Variants in STK32B observed in about 807,000 individuals in gnomAD.
The protein encoded by STK32B is serine/threonine kinase 32B.
STK32B carries 43 observed loss-of-function variants against 52.6 expected under a neutral mutation model. The observed-to-expected ratio is 0.82, with a 90% CI of 0.64 to 1.05. The LOEUF is 1.05. Among genes scored for constraint, STK32B ranks in the 50% least tolerant of loss-of-function variants. The probability of loss-of-function intolerance (pLI) is 0.00; values close to 1 mark genes in which losing one functional copy is unlikely to be tolerated. For missense variants in STK32B, 621 were observed against 534.6 expected, an observed-to-expected ratio of 1.16 and a Z score of -1.59; for synonymous variants, 238 against 204.3, an observed-to-expected ratio of 1.17 and a Z score of -1.41.
In STK32B at chr4:5,078,101, G is replaced by C. The variant is rs549013438; in HGVS notation, c.52+26186G>C. Among the ~76,000 whole-genome samples the C allele has an allele frequency of 9.9e-5, 15 of 152,256 alleles. No individual in the cohort carries two copies. The South Asian group carries it at 3.1e-3, about 32-fold the overall frequency. On this transcript the variant is annotated intron_variant, in intron 1 of 11. Coordinates refer to ENST00000282908, the MANE Select transcript of STK32B (RefSeq NM_018401.3). ...TCCCCATACGATAGTGTCCAGAGCA[G>C]GAAGAGCGTAAAGGAGGAAAGGGGC...
intron 3 of STK32B, among the ~76,000 whole-genome samples, chr4:5,307,452 G>A (rs1225619875): frequency 6.6e-6 from 1 of 150,826 alleles, no homozygotes; most frequent in Non-Finnish European, 1.5e-5. Flanking sequence ...AGTGCATTTT[G>A]CATTTCTCTA....
In STK32B at chr4:5,058,298, G is replaced by C. The variant is rs762252035; in HGVS notation, c.52+6383G>C. 8.5e-5 allele frequency among the ~76,000 whole-genome samples: 13 copies of C among 152,208 alleles called. No homozygotes were observed. The highest frequency in any genetic ancestry group is 1.8e-4 in the Non-Finnish European group (12 of 68,048). On this transcript the variant is annotated intron_variant, in intron 1 of 11. Coordinates refer to ENST00000282908, the MANE Select transcript of STK32B (RefSeq NM_018401.3). This position sits in a 1 kb window ranked among gnomAD's most constrained non-coding sequence, Gnocchi z 4.8. ...CAAAATTATACCTCCTTGTCCCCTT[G>C]AAGTTATGTGAGACCATGTGACTTG... is the stretch of plus-strand genomic sequence containing the variant.
At chr4:5,128,444 G>A (rs1246544824) in intron 1 of STK32B, among the ~76,000 whole-genome samples, 2 of 152,284 alleles carry the variant, frequency 1.3e-5, no homozygotes, top group East Asian at 3.9e-4. Context: ...CTGTCCTGAG[G>A]TTTTTGCTGT....
chr4:5,329,357 T>A (rs1348864886), intron 3 of STK32B, among the ~76,000 whole-genome samples: 1 of 152,178 alleles, frequency 6.6e-6, no homozygotes, highest in East Asian at 1.9e-4. Context: ...GGCCCTCCGC[T>A]GTTTGTGCAG....
intron 3 of STK32B, among the ~76,000 whole-genome samples, chr4:5,322,367 G>A (rs747308037): frequency 9.9e-5 from 15 of 152,204 alleles, no homozygotes; most frequent in South Asian, 8.3e-4. Flanking sequence ...AATCGCTAGA[G>A]GTGAGCATAG....
At chr4:5,292,330 G>A (rs1343383673) in intron 3 of STK32B, among the ~76,000 whole-genome samples, 1 of 152,048 alleles carries the variant, frequency 6.6e-6, no homozygotes, top group Non-Finnish European at 1.5e-5. Context: ...TTTTATAATA[G>A]CCATTCTGAC....
At chr4:5,292,682 T>C (rs757852109) in intron 3 of STK32B, among the ~76,000 whole-genome samples, 11 of 152,264 alleles carry the variant, frequency 7.2e-5, no homozygotes, top group Non-Finnish European at 1.2e-4. Flanking sequence ...TTTTTGTTTT[T>C]GTTCTCTTTG....
At chr4:5,062,699 G>A (rs1458985251) in intron 1 of STK32B, among the ~76,000 whole-genome samples, 1 of 151,984 alleles carries the variant, frequency 6.6e-6, no homozygotes, top group Non-Finnish European at 1.5e-5. Context: ...TAGTAGAGAT[G>A]GGGTTTCACC....
At chr4:5,148,508 A>G (rs1320878128) in intron 2 of STK32B, among the ~76,000 whole-genome samples, 3 of 151,682 alleles carry the variant, frequency 2.0e-5, no homozygotes, top group Non-Finnish European at 4.4e-5. Context: ...TTATTTAGTT[A>G]TGTGTTGTTT....
chr4:5,334,754 G>C (rs1224934538), intron 4 of STK32B, among the ~76,000 whole-genome samples: 1 of 151,454 alleles, frequency 6.6e-6, no homozygotes, highest in African/African-American at 2.4e-5. Context: ...TTTGTCTTTG[G>C]TTCTGTTTAT....
intron 3 of STK32B, among the ~76,000 whole-genome samples, chr4:5,310,475 A>G (rs2108909438): frequency 6.6e-6 from 1 of 152,300 alleles, no homozygotes; most frequent in South Asian, 2.1e-4. Context: ...TGTAAATCAA[A>G]ACCACAATGA....
intron 11 of STK32B, among the ~76,000 whole-genome samples, chr4:5,485,860 C>G (rs1437099517): frequency 6.6e-6 from 1 of 152,148 alleles, no homozygotes; most frequent in East Asian, 1.9e-4. Context: ...CACTCCAGAC[C>G]CTGTTTGCCT....
At chr4:5,446,565 A>AG (rs1715443337) in intron 6 of STK32B, 108 bp from the exon 7 acceptor site, 1 of 954,082 alleles carries the variant, frequency 1.0e-6, no homozygotes, top group Admixed American at 2.6e-5. Flanking sequence ...TCAAAAAAAA[A>AG]CAAAAAAAAA....
At chr4:5,154,456 C>T (rs1018756706) in intron 2 of STK32B, among the ~76,000 whole-genome samples, 4 of 152,148 alleles carry the variant, frequency 2.6e-5, no homozygotes, top group Non-Finnish European at 4.4e-5. Flanking sequence ...CTCAGGTGAT[C>T]CACCAGCCTC....
chr4:5,206,890 C>A (rs544100655), intron 3 of STK32B, among the ~76,000 whole-genome samples: 1 of 152,320 alleles, frequency 6.6e-6, no homozygotes, highest in African/African-American at 2.4e-5. Flanking sequence ...TTCTCTTTAA[C>A]TCCTTCTGTA....
rs1716262240 is a variant in STK32B at position 5,453,962 on chromosome 4, T to A, written c.667-2845T>A. Reference sequence around the variant, plus strand: ...CCAGCTCATCTCCCAGTGGTAGCCCTGAGCTCTGGGTCTCCTGTCCCTGCC... The same window carrying A: ...CCAGCTCATCTCCCAGTGGTAGCCCAGAGCTCTGGGTCTCCTGTCCCTGCC... On this transcript the variant is annotated intron_variant, in intron 7 of 11. Coordinates refer to ENST00000282908, the MANE Select transcript of STK32B (RefSeq NM_018401.3). The surrounding 1 kb of genome is among the most constrained non-coding windows in gnomAD (Gnocchi z 4.0). 6.6e-6 allele frequency among the ~76,000 whole-genome samples: 1 copy of A among 151,456 alleles called. No individual in the cohort carries two copies. Among genetic ancestry groups the A allele is most frequent in the African/African-American group, 2.4e-5 (1 of 40,852 alleles).
At chr4:5,179,840 CTG>C (rs901404065) in intron 3 of STK32B, among the ~76,000 whole-genome samples, 2 of 152,218 alleles carry the variant, frequency 1.3e-5, no homozygotes, top group African/African-American at 4.8e-5. Context: ...TTGCTTTCCC[CTG>C]TGTTAGCTTT....
chr4:5,141,855 G>C (rs1330925922), intron 2 of STK32B, among the ~76,000 whole-genome samples: 1 of 152,090 alleles, frequency 6.6e-6, no homozygotes, highest in Non-Finnish European at 1.5e-5. Context: ...TTTCTCCTCA[G>C]GTTTCCTATC....
chr4:5,315,277 T>A (rs1730590477), intron 3 of STK32B, among the ~76,000 whole-genome samples: 1 of 151,696 alleles, frequency 6.6e-6, no homozygotes, highest in East Asian at 1.9e-4. Flanking sequence ...GCAAATGAGA[T>A]GTGACTACAC....
Sources: allele counts gnomAD v4.1 joint callset (sites outside exome capture counted in the v4.1 genomes callset), GRCh38; gene constraint gnomAD v4.1.1; non-coding constraint Gnocchi (gnomAD v3.1); transcripts MANE v1.5; gene names NCBI Gene and HGNC (gene_info 2026-07-23, HGNC 2026-07-21).